EPHB6: variants seen among roughly 807,000 people sequenced by gnomAD.
The protein encoded by EPHB6 is ephrin type-B receptor 6.
Under a neutral mutation model 107.0 loss-of-function variants are expected in EPHB6, and 51 were observed. The ratio of observed to expected loss-of-function variants is 0.48; its 90% CI spans 0.38 to 0.60. The LOEUF is 0.60. EPHB6 is among the 20% of genes least tolerant of loss of function. EPHB6 has a pLI of 0.00. For missense variants in EPHB6, 1,141 were observed against 1,355.5 expected (o/e 0.84, Z 2.48); for synonymous variants, 553 against 549.0 (o/e 1.01, Z -0.10).
Position 142,866,944 on chromosome 7 carries a change from G to T in EPHB6, c.1626G>T (p.Glu542Asp). ...DESHSFTLTSETNTATVTQLS... is the reference protein window; with the variant it reads ...DESHSFTLTSDTNTATVTQLS... ...CCCACTCCTTCACCCTGACCAGCGA[G>T]ACCAACACTGCCACCGTGACACAGC... The change falls in exon 11 of 20, where the codon GAG becomes GAT. Residue 542 changes from glutamate (E) to aspartate (D), a missense_variant. Glu to Asp is a conservative substitution (Grantham distance 45). Coordinates refer to ENST00000652003, the MANE Select transcript of EPHB6 (RefSeq NM_004445.6). This position sits in a 1 kb window ranked among gnomAD's most constrained non-coding sequence, Gnocchi z 5.2. The T allele has an allele frequency of 6.2e-7, 1 of 1,614,144 alleles. No individual in the cohort carries two copies. The highest frequency in any genetic ancestry group is 1.1e-5 in the South Asian group (1 of 91,076).
At chr7:142,860,490 C>T (rs1161257896) in intron 1 of EPHB6, among the ~76,000 whole-genome samples, 3 of 152,162 alleles carry the variant, frequency 2.0e-5, no homozygotes, top group African/African-American at 4.8e-5. Context: ...CCACTGGTGA[C>T]GGTGCCAAGG....
In EPHB6 at chr7:142,858,670, TCTC is replaced by T. The variant is rs2116381167; in HGVS notation, c.-431-2379_-431-2377del. On this transcript the variant is annotated intron_variant, in intron 1 of 19. Transcript: ENST00000652003. The stretch of plus-strand genomic sequence containing the variant: ...ACCGTGTTAGCCAGGACGGTCTCGA[TCTC>T]CTGATCTTGTGATCCGCCCACCTTG... Among the ~76,000 whole-genome samples the T allele has an allele frequency of 2.0e-5, 3 of 150,940 alleles. No individual in the cohort carries two copies. In the South Asian group the frequency reaches 6.3e-4, roughly 32 times the overall value.
chr7:142,860,749 C>T (rs1186765262), intron 1 of EPHB6, among the ~76,000 whole-genome samples: 1 of 152,122 alleles, frequency 6.6e-6, no homozygotes, highest in African/African-American at 2.4e-5. Context: ...TTGGCAGGTG[C>T]CCACTCTACA....
rs568405709 is a variant in EPHB6, at chr7:142,867,809, A to G, written c.1865+87A>G. On this transcript the variant is annotated intron_variant, in intron 12 of 19. Coordinates refer to ENST00000652003, the MANE Select transcript of EPHB6 (RefSeq NM_004445.6). This position sits in a 1 kb window ranked among gnomAD's most constrained non-coding sequence, Gnocchi z 5.3. Reference sequence around the variant, plus strand: ...TCCTGCCAAGTCTGGAGCCCCCTGCAGAAACCTCACACTGGTGCTCCTCCC... The same window carrying G: ...TCCTGCCAAGTCTGGAGCCCCCTGCGGAAACCTCACACTGGTGCTCCTCCC... 1.4e-6 allele frequency: 2 copies of G among 1,450,616 alleles called. No individual in the cohort carries two copies. The highest frequency in any genetic ancestry group is 2.8e-5 in the African/African-American group (2 of 71,240). 89.9% of individuals were successfully genotyped at this position (1,450,616 alleles called of 1,614,324 possible). A position where few individuals can be genotyped will look rare whatever the true frequency, so the allele number is the denominator to read the frequency against.
At position 142,868,775 on chromosome 7, in the gene EPHB6, G is replaced by A. The variant is rs1794745874; in HGVS notation, c.2286+36G>A. The stretch of plus-strand genomic sequence containing the variant: ...CCTGGGTGAAGGAGGAGGGTCCTTG[G>A]GTCCAGGAAAGCTTCCAGGAGACGA... On this transcript the variant is annotated intron_variant, in intron 15 of 19. Coordinates refer to ENST00000652003, the MANE Select transcript of EPHB6 (RefSeq NM_004445.6). The surrounding 1 kb of genome is among the most constrained non-coding windows in gnomAD (Gnocchi z 4.2). 1 of 1,613,386 alleles carries A rather than the reference G, an allele frequency of 6.2e-7. No individual in the cohort carries two copies. The highest frequency in any genetic ancestry group is 8.5e-7 in the Non-Finnish European group (1 of 1,179,988).
At position 142,868,249 on chromosome 7, in the gene EPHB6, G is replaced by A. The variant is rs2116466030; in HGVS notation, c.1927G>A (p.Val643Met). Reference protein sequence around the residue: ...LQQYSSPGLGVKYYIDPSTYE... With the variant: ...LQQYSSPGLGMKYYIDPSTYE... The stretch of plus-strand genomic sequence containing the variant: ...ACTCCACACCCCTCCAGGACTCGGG[G>A]TGAAGTATTACATCGACCCCTCCAC... Residue 643 changes from valine (V) to methionine (M), a missense_variant, in exon 14 of 20, where the codon GTG becomes ATG. Physicochemically the swap from Val to Met is conservative, Grantham distance 21. Around this residue, in one of 3 missense-constraint regions of EPHB6, gnomAD observed 616 missense variants for 759.3 expected, o/e 0.81. Transcript: ENST00000652003. This position sits in a 1 kb window ranked among gnomAD's most constrained non-coding sequence, Gnocchi z 4.2. 5 of 1,614,148 alleles carry A rather than the reference G, an allele frequency of 3.1e-6. No homozygotes were observed. The highest frequency in any genetic ancestry group is 2.2e-5 in the South Asian group (2 of 91,082).
intron 1 of EPHB6, among the ~76,000 whole-genome samples, chr7:142,859,460 G>A (rs562480908): frequency 5.0e-4 from 76 of 152,198 alleles, no homozygotes; most frequent in Non-Finnish European, 9.7e-4. Flanking sequence ...TTTGCTGACA[G>A]CAATTTATTC....
At chr7:142,859,773 A>G (rs1802763641) in intron 1 of EPHB6, among the ~76,000 whole-genome samples, 2 of 152,180 alleles carry the variant, frequency 1.3e-5, no homozygotes, top group Non-Finnish European at 2.9e-5. Context: ...GTTCTTAGTA[A>G]AATTTCAAAA....
At chr7:142,856,906 A>G (rs953361357) in intron 1 of EPHB6, among the ~76,000 whole-genome samples, 2 of 152,076 alleles carry the variant, frequency 1.3e-5, no homozygotes, top group Admixed American at 6.5e-5. Context: ...TCTCATACAC[A>G]TTCCCTTACA....
chr7:142,867,653 G>A lies in EPHB6; in HGVS notation c.1796G>A (p.Gly599Asp). Reference sequence around the variant, plus strand: ...CCAGAAAGACTCTCCTTGGTGATCGGCTCCATCCTGGGGGCTTTGGCCTTC... The same window carrying A: ...CCAGAAAGACTCTCCTTGGTGATCGACTCCATCCTGGGGGCTTTGGCCTTC... ...QLPERLSLVI[G>D]SILGALAFLL... Residue 599 changes from glycine to aspartate, a missense_variant, in exon 12 of 20, where the codon GGC becomes GAC. By Grantham distance (94) the Gly-to-Asp change is moderately conservative (BLOSUM62 -1). This residue lies in a region of EPHB6 where 616 missense variants were observed against 759.3 expected (regional missense o/e 0.81). Transcript: ENST00000652003. The surrounding 1 kb of genome is among the most constrained non-coding windows in gnomAD (Gnocchi z 5.3). 1 of 1,613,538 alleles carries A rather than the reference G, an allele frequency of 6.2e-7. No individual in the cohort carries two copies. The highest frequency in any genetic ancestry group is 8.5e-7 in the Non-Finnish European group (1 of 1,179,956).
rs773799287 is a variant in EPHB6 at position 142,864,094 on chromosome 7, C to G, written c.294C>G (p.Arg98=). 1.2e-6 allele frequency: 2 copies of G among 1,613,892 alleles called. No individual in the cohort carries two copies. The highest frequency in any genetic ancestry group is 2.7e-5 in the African/African-American group (2 of 74,938). The change falls in exon 7 of 20, where the codon CGC becomes CGG. Residue 98 remains arginine (R), a synonymous_variant. Transcript: ENST00000652003. ...NWLQTHFVER[R]GAQRAHIRLH... ...TGCAGACACACTTTGTGGAGCGGCG[C>G]GGGGCCCAGAGGGCGCACATTCGAC...
chr7:142,867,142 C>G lies in EPHB6; in HGVS notation c.1750+74C>G. 6.5e-7 allele frequency: 1 copy of G among 1,543,582 alleles called. No individual in the cohort carries two copies. ...AGTGAGGAGAGGCCCAGGGACTGTC[C>G]GGCCTTGAACCCTGGCCCCGTGCTT... On this transcript the variant is annotated intron_variant, in intron 11 of 19. Coordinates refer to ENST00000652003, the MANE Select transcript of EPHB6 (RefSeq NM_004445.6). This position sits in a 1 kb window ranked among gnomAD's most constrained non-coding sequence, Gnocchi z 5.3.
At position 142,869,377 on chromosome 7, in the gene EPHB6, CAA is replaced by C. The variant is rs928215083; in HGVS notation, c.2460+231_2460+232del. On this transcript the variant is annotated intron_variant, in intron 16 of 19. Coordinates refer to ENST00000652003, the MANE Select transcript of EPHB6 (RefSeq NM_004445.6). This position sits in a 1 kb window ranked among gnomAD's most constrained non-coding sequence, Gnocchi z 4.5. ...ATGAGGGAGGGGAGGAGACCTGCAA[CAA>C]TCTAGAACTACCTCCTGCCCTTCCC... 6.6e-6 allele frequency among the ~76,000 whole-genome samples: 1 copy of C among 152,116 alleles called. No individual in the cohort carries two copies. The highest frequency in any genetic ancestry group is 1.5e-5 in the Non-Finnish European group (1 of 67,996).
At chr7:142,858,662 G>A (rs1240064291) in intron 1 of EPHB6, among the ~76,000 whole-genome samples, 3 of 149,600 alleles carry the variant, frequency 2.0e-5, no homozygotes, top group Non-Finnish European at 3.0e-5. Flanking sequence ...TAGCCAGGAC[G>A]GTCTCGATCT....
chr7:142,862,900 G>T, intron 4 of EPHB6, 67 bp downstream of exon 4: 1 of 312,022 alleles, frequency 3.2e-6, no homozygotes, highest in Non-Finnish European at 5.9e-6. Context: ...AATGAACACA[G>T]AGACAGGGTC....
chr7:142,866,429 T>C lies in EPHB6; in HGVS notation c.1463-52T>C. ...CCTGCCGCCCTCCCCTCAAGGCTGA[T>C]CCTGCTCCCAGGGACTCCTATCCCC... On this transcript the variant is annotated intron_variant, in intron 9 of 19. Transcript: ENST00000652003. The surrounding 1 kb of genome is among the most constrained non-coding windows in gnomAD (Gnocchi z 5.2). 1 of 1,613,348 alleles carries C rather than the reference T, an allele frequency of 6.2e-7. No homozygotes were observed. The highest frequency in any genetic ancestry group is 8.5e-7 in the Non-Finnish European group (1 of 1,179,974).
chr7:142,870,141 C>A, intron 17 of EPHB6, 73 bp from the exon 18 acceptor site: 1 of 1,602,710 alleles, frequency 6.2e-7, no homozygotes. Flanking sequence ...TTCCAGCCCA[C>A]CCTCTTACCC....
rs1477229893 is a variant in EPHB6, at chr7:142,870,555, G to C, written c.2830G>C (p.Val944Leu). Residue 944 changes from valine to leucine, a missense_variant, in exon 19 of 20, where the codon GTG becomes CTG. Transcript: ENST00000652003. ...ERPSQALLTP[V>L]ALDFPCLDSP... ...GCCTTCCCAGGCCCTTCTGACCCCT[G>C]TGGCCCTGGACTTTCCTTGTCTGGA... 4.3e-6 allele frequency: 7 copies of C among 1,614,100 alleles called. No homozygotes were observed. The highest frequency in any genetic ancestry group is 4.0e-5 in the African/African-American group (3 of 74,938).
rs1794690925 is a variant in EPHB6 at position 142,867,902 on chromosome 7, C to T, written c.1866-95C>T. 1 of 1,530,940 alleles carries T rather than the reference C, an allele frequency of 6.5e-7. No homozygotes were observed. Among genetic ancestry groups the T allele is most frequent in the Non-Finnish European group, 8.8e-7 (1 of 1,130,670 alleles). The allele number at this position is 1,530,940 out of a possible 1,614,324, so 94.8% of individuals were successfully genotyped here. On this transcript the variant is annotated intron_variant, in intron 12 of 19. Transcript: ENST00000652003. The surrounding 1 kb of genome is among the most constrained non-coding windows in gnomAD (Gnocchi z 5.3). ...GAGGGCCAGGCTGTCGTCCCCCCTC[C>T]ACAGACCGACTAAAGAGCAGTCTGG...
Sources: gnomAD v4.1 joint callset for allele counts (sites outside exome capture counted in the v4.1 genomes callset) on GRCh38, gnomAD v4.1.1 for gene constraint, gnomAD v4.1.1 regional missense constraint, Gnocchi (gnomAD v3.1) non-coding constraint, MANE v1.5 for transcripts, NCBI Gene and HGNC (gene_info 2026-07-23, HGNC 2026-07-21) for gene names.